The following NELL2 variants were observed in gnomAD, a reference collection of about 807,000 sequenced individuals.
NELL2 encodes the protein neural EGFL like 2.
In NELL2, 41 loss-of-function variants were observed where a neutral mutation model predicts 109.6. That is an observed-to-expected ratio of 0.37 (90% CI 0.29 to 0.49). The LOEUF (loss-of-function observed/expected upper bound fraction) is 0.49. NELL2 is among the 20% of genes least tolerant of loss of function. The pLI is 0.98. For missense variants in NELL2, 900 were observed against 1,008.3 expected (o/e 0.89, Z 1.45); for synonymous variants, 355 against 344.7 (o/e 1.03, Z -0.33).
At chr12:44,535,506 T>C (rs1240397856) in intron 15 of NELL2, among the ~76,000 whole-genome samples, 3 of 152,034 alleles carry the variant, frequency 2.0e-5, no homozygotes, top group Non-Finnish European at 4.4e-5. Flanking sequence ...TAGTTTATCA[T>C]CTATTTAAAT....
At position 44,607,719 on chromosome 12, in the gene NELL2, A is replaced by G. The variant is rs575235304; in HGVS notation, c.1568-455T>C. Among the ~76,000 whole-genome samples the G allele has an allele frequency of 6.7e-4, 102 of 152,234 alleles. 2 individuals are homozygous for G. In the South Asian group the frequency reaches 0.016, roughly 24 times the overall value. On this transcript the variant is annotated intron_variant, in intron 14 of 19. Transcript: ENST00000429094. ...CTAGCCAAAGTGCCAAAATAGTAGG[A>G]AATGTTCCATCCTTCAAAAATTTGT...
At chr12:44,911,212 C>A (rs141978034) in intron 1 of NELL2, among the ~76,000 whole-genome samples, 4 of 152,040 alleles carry the variant, frequency 2.6e-5, no homozygotes, top group African/African-American at 9.6e-5. Flanking sequence ...GGAGGAATTA[C>A]AGGGAAGGAA....
intron 1 of NELL2, among the ~76,000 whole-genome samples, chr12:44,894,994 C>T (rs554191250): frequency 6.6e-4 from 100 of 152,242 alleles, no homozygotes; most frequent in African/African-American, 2.3e-3. Context: ...ACTTAATATG[C>T]GACAAGTTGC....
At chr12:44,649,928 G>A (rs1440889840) in intron 13 of NELL2, among the ~76,000 whole-genome samples, 1 of 152,072 alleles carries the variant, frequency 6.6e-6, no homozygotes, top group Non-Finnish European at 1.5e-5. Context: ...ATAGGAATGT[G>A]GAAAGAATTA....
chr12:44,532,564 C>G lies in NELL2; in HGVS notation c.1804+17G>C. On this transcript the variant is annotated intron_variant, in intron 16 of 19. Coordinates refer to ENST00000429094, the MANE Select transcript of NELL2 (RefSeq NM_001145108.2). ...CAAGAGAAGTTCTTAAATTCTAGGT[C>G]TTCTCCTTGTACTGACCTTCACACG... The G allele has an allele frequency of 6.2e-7, 1 of 1,604,376 alleles. No individual in the cohort carries two copies. The highest frequency in any genetic ancestry group is 1.3e-5 in the African/African-American group (1 of 74,498).
chr12:44,690,562 G>A (rs1274134145), intron 12 of NELL2, among the ~76,000 whole-genome samples: 1 of 150,752 alleles, frequency 6.6e-6, no homozygotes, highest in East Asian at 1.9e-4. Flanking sequence ...AACTGCCAAA[G>A]GAGTATAAAA....
chr12:44,916,915 C>A (rs1011180092), upstream of NELL2, among the ~76,000 whole-genome samples: 1 of 152,180 alleles, frequency 6.6e-6, no homozygotes, highest in Non-Finnish European at 1.5e-5. Flanking sequence ...CTGCCTCCTA[C>A]AAAATGGTCC....
At chr12:44,875,579 C>T in intron 1 of NELL2, 1 of 1,613,904 alleles carries the variant, frequency 6.2e-7, no homozygotes, top group Non-Finnish European at 8.5e-7. Flanking sequence ...AAACCCTTCT[C>T]TCTGCAAAGT....
intron 19 of NELL2, among the ~76,000 whole-genome samples, chr12:44,516,233 T>C (rs756391140): frequency 1.3e-5 from 2 of 152,096 alleles, no homozygotes; most frequent in Non-Finnish European, 2.9e-5. Context: ...TTAACTGTTC[T>C]ATTGTTGGAT....
chr12:44,552,015 C>A (rs2136167242), intron 15 of NELL2, among the ~76,000 whole-genome samples: 1 of 152,226 alleles, frequency 6.6e-6, no homozygotes, highest in Non-Finnish European at 1.5e-5. Flanking sequence ...GGAGACTGGT[C>A]CCAGAAAAAT....
Position 44,779,882 on chromosome 12 carries a change from G to A in NELL2, c.476C>T (p.Ala159Val), listed in dbSNP as rs1941890263. 4.3e-6 allele frequency: 7 copies of A among 1,613,922 alleles called. No homozygotes were observed. In the East Asian group the frequency reaches 8.9e-5, roughly 21 times the overall value. Residue 159 changes from alanine to valine, a missense_variant, in exon 4 of 20, where the codon GCT (alanine) becomes GTT (valine). Ala to Val is a moderately conservative substitution (Grantham distance 64, BLOSUM62 0). Around this residue, in one of 4 missense-constraint regions of NELL2, gnomAD observed 200 missense variants for 191.8 expected, o/e 1.04. Coordinates refer to ENST00000429094, the MANE Select transcript of NELL2 (RefSeq NM_001145108.2). Reference sequence around the variant, plus strand: ...GTCAATGTGTAAAATCAAATGGGAAGCACTGATGGCTAAGGAGAGCTTGTG... The same window carrying A: ...GTCAATGTGTAAAATCAAATGGGAAACACTGATGGCTAAGGAGAGCTTGTG... ...KWHKLSLAIS[A>V]SHLILHIDCN...
intron 9 of NELL2, among the ~76,000 whole-genome samples, chr12:44,747,648 G>A (rs114241836): frequency 0.013 from 1,970 of 152,014 alleles, 37 homozygotes; most frequent in African/African-American, 0.04. Flanking sequence ...ACTGTTTAAC[G>A]GTCAACTGTA....
chr12:44,563,766 T>C (rs1345938029), intron 15 of NELL2, among the ~76,000 whole-genome samples: 1 of 152,216 alleles, frequency 6.6e-6, no homozygotes, highest in Non-Finnish European at 1.5e-5. Context: ...CTAGTAGAAA[T>C]AGCCTTTTCT....
intron 1 of NELL2, among the ~76,000 whole-genome samples, chr12:44,910,271 A>G (rs540683879): frequency 1.3e-5 from 2 of 152,084 alleles, no homozygotes; most frequent in Admixed American, 1.3e-4. Flanking sequence ...TTAATTCAAC[A>G]AGCAAAAACA....
At chr12:44,644,627 C>CAT (rs1189094713) in intron 13 of NELL2, among the ~76,000 whole-genome samples, 122 of 58,030 alleles carry the variant, frequency 2.1e-3, no homozygotes, top group African/African-American at 9.2e-3. Flanking sequence ...TATATATATA[C>CAT]ATACATATAT....
At position 44,780,015 on chromosome 12, in the gene NELL2, C is replaced by G. The variant is rs149581498; in HGVS notation, c.343G>C (p.Glu115Gln). 3.7e-6 allele frequency: 6 copies of G among 1,613,290 alleles called. No individual in the cohort carries two copies. The African/African-American group carries it at 8.0e-5, about 22-fold the overall frequency. Reference protein sequence around the residue: ...SIHHLDHRYLELESSGHRNEV... With the variant: ...SIHHLDHRYLQLESSGHRNEV... Reference sequence around the variant, plus strand: ...TTCCGATGGCCACTACTTTCCAGTTCCAGGTACCTGCAGAGAGAAGAGCCA... The same window carrying G: ...TTCCGATGGCCACTACTTTCCAGTTGCAGGTACCTGCAGAGAGAAGAGCCA... The change falls in exon 4 of 20, where the codon GAA (glutamate) becomes CAA (glutamine). Residue 115 changes from glutamate to glutamine, a missense_variant. By Grantham distance (29) the Glu-to-Gln change is conservative. This residue lies in a region of NELL2 where 200 missense variants were observed against 191.8 expected (regional missense o/e 1.04). Coordinates refer to ENST00000429094, the MANE Select transcript of NELL2 (RefSeq NM_001145108.2).
chr12:44,818,356 C>T (rs901533229), intron 2 of NELL2, among the ~76,000 whole-genome samples: 4 of 152,162 alleles, frequency 2.6e-5, no homozygotes, highest in African/African-American at 9.7e-5. Flanking sequence ...TTATGCTTCT[C>T]CTCTTTTCAG....
At chr12:44,826,179 A>T (rs1301218021) in intron 2 of NELL2, among the ~76,000 whole-genome samples, 1 of 152,226 alleles carries the variant, frequency 6.6e-6, no homozygotes, top group Non-Finnish European at 1.5e-5. Flanking sequence ...TATCACTACA[A>T]CTGCCATCAT....
chr12:44,549,818 C>T (rs1212973398), intron 15 of NELL2, among the ~76,000 whole-genome samples: 2 of 152,084 alleles, frequency 1.3e-5, no homozygotes, highest in Non-Finnish European at 2.9e-5. Context: ...GTCCATGCTA[C>T]CCAAAGCAAT....
Sources: allele counts gnomAD v4.1 joint callset (sites outside exome capture counted in the v4.1 genomes callset), GRCh38; gene constraint gnomAD v4.1.1; regional missense constraint gnomAD v4.1.1; transcripts MANE v1.5; gene names NCBI Gene and HGNC (gene_info 2026-07-23, HGNC 2026-07-21).